Variants in CENPE observed in about 807,000 individuals in gnomAD.
The protein encoded by CENPE is centromere protein E.
A neutral mutation model predicts 336.1 loss-of-function variants in CENPE; 145 were observed. The observed-to-expected ratio is 0.43, with a 90% confidence interval of 0.38 to 0.50. The LOEUF (loss-of-function observed/expected upper bound fraction) is 0.50, where lower values mean the gene tolerates loss of function less well. Among genes scored for constraint, CENPE ranks in the 20% least tolerant of loss-of-function variants. The pLI, the probability that CENPE is intolerant of heterozygous loss-of-function variation, is 0.00. For synonymous variants in CENPE, 1,013 were observed against 984.8 expected (o/e 1.03, Z -0.54); for missense variants, 2,719 against 3,023.3 (o/e 0.90, Z 2.36).
intron 8 of CENPE, among the ~76,000 whole-genome samples, chr4:103,187,784 A>T (rs547208936): frequency 1.8e-4 from 28 of 152,368 alleles, no homozygotes; most frequent in African/African-American, 6.7e-4. Context: ...ACAGGATCAA[A>T]TTCACACATA....
chr4:103,160,974 AAAAGTC>A, intron 20 of CENPE, 106 bp downstream of exon 20: 1 of 1,044,830 alleles, frequency 9.6e-7, no homozygotes, highest in South Asian at 1.9e-5. Flanking sequence ...TGAGTTTTTA[AAAAGTC>A]AGAGTATAAT....
At position 103,140,083 on chromosome 4, in the gene CENPE, G is replaced by C; in HGVS notation, c.5914-4C>G. 1 of 1,592,432 alleles carries C rather than the reference G, an allele frequency of 6.3e-7. No individual in the cohort carries two copies. Among genetic ancestry groups the C allele is most frequent in the Non-Finnish European group, 8.5e-7 (1 of 1,171,346 alleles). On this transcript the variant is annotated splice_region_variant and splice_polypyrimidine_tract_variant and intron_variant, in intron 37 of 48. Transcript: ENST00000265148. ...CTTTTTTCTGAAGTTCTTGGATCTTGAGATAATTGTAAAACAAGTTAGAAT... is the reference window on the plus strand; with the variant it reads ...CTTTTTTCTGAAGTTCTTGGATCTTCAGATAATTGTAAAACAAGTTAGAAT...
At position 103,108,953 on chromosome 4, in the gene CENPE, T is replaced by C; in HGVS notation, c.7861A>G (p.Ile2621Val). ...CGTTCCTTGCATTGAGAGGGTGTAA[T>C]TTGTTTCTTTTTAGAAGCTGTTCCA... ...VTGTASKKKQ[I>V]TPSQCKERNL... The change falls in exon 48 of 49, where the codon ATT becomes GTT. Residue 2621 changes from isoleucine to valine, a missense_variant. Physicochemically the swap from Ile to Val is conservative, Grantham distance 29 (BLOSUM62 3). Transcript: ENST00000265148. 17 of 1,613,906 alleles carry C rather than the reference T, an allele frequency of 1.1e-5. No individual in the cohort carries two copies. The highest frequency in any genetic ancestry group is 1.4e-5 in the Non-Finnish European group (17 of 1,179,858).
intron 16 of CENPE, among the ~76,000 whole-genome samples, chr4:103,169,286 GACA>G (rs1755196177): frequency 6.6e-6 from 1 of 151,236 alleles, no homozygotes; most frequent in South Asian, 2.1e-4. Flanking sequence ...AAGTTTATGG[GACA>G]ACATCAAAAA....
At chr4:103,170,360 G>A (rs1331755434) in intron 16 of CENPE, among the ~76,000 whole-genome samples, 1 of 152,132 alleles carries the variant, frequency 6.6e-6, no homozygotes, top group African/African-American at 2.4e-5. Flanking sequence ...AGTACTGAAG[G>A]AAAACAGTTG....
At chr4:103,108,742 T>A (rs954200345) in intron 48 of CENPE, 61 bp downstream of exon 48, 1 of 1,459,500 alleles carries the variant, frequency 6.9e-7, no homozygotes, top group Non-Finnish European at 9.3e-7. Flanking sequence ...TGGGATCACA[T>A]ATTAATGATA....
At chr4:103,176,496 G>C (rs1755873870) in intron 14 of CENPE, among the ~76,000 whole-genome samples, 1 of 152,126 alleles carries the variant, frequency 6.6e-6, no homozygotes, top group Non-Finnish European at 1.5e-5. Flanking sequence ...TCTCATGTGT[G>C]TTTCAACTAG....
rs929829122 is a variant in CENPE, at chr4:103,110,727, C to A, written c.7724+101G>T. On this transcript the variant is annotated intron_variant, in intron 47 of 48. Transcript: ENST00000265148. ...CTAAAAATTACTTTCCCCATAATGA[C>A]TGAAGTGTTACCACCTGCAAAAAAT... The A allele has an allele frequency of 5.4e-6, 4 of 746,460 alleles. No individual in the cohort carries two copies. In the African/African-American group the frequency reaches 5.4e-5, roughly 10 times the overall value. 46.2% of individuals were successfully genotyped at this position (746,460 alleles called of 1,614,324 possible). A position where few individuals can be genotyped will look rare whatever the true frequency, so the allele number is the denominator to read the frequency against.
At chr4:103,167,653 G>A (rs1242590013) in intron 16 of CENPE, among the ~76,000 whole-genome samples, 4 of 152,150 alleles carry the variant, frequency 2.6e-5, no homozygotes, top group Non-Finnish European at 5.9e-5. Flanking sequence ...TTGGATTCAG[G>A]TAGGAGGTTG....
chr4:103,189,236 T>G (rs1197027406), intron 8 of CENPE, among the ~76,000 whole-genome samples: 3 of 152,202 alleles, frequency 2.0e-5, no homozygotes, highest in Non-Finnish European at 4.4e-5. Context: ...GTACCATTCC[T>G]TCTGAAACTA....
At chr4:103,163,277 A>G (rs1441692416) in intron 17 of CENPE, 21 bp from the exon 18 acceptor site, 1 of 1,591,694 alleles carries the variant, frequency 6.3e-7, no homozygotes, top group Non-Finnish European at 8.6e-7. Context: ...CAAAGGAGAG[A>G]GTAACAATTT....
At position 103,158,597 on chromosome 4, in the gene CENPE, A is replaced by G; in HGVS notation, c.2874+17T>C. 6.4e-7 allele frequency: 1 copy of G among 1,569,108 alleles called. No homozygotes were observed. Among genetic ancestry groups the G allele is most frequent in the Non-Finnish European group, 8.6e-7 (1 of 1,165,330 alleles). ...AGAGTCTCCAATTTTTCAAAGTTTAATCAATCAAAACCTTACCATGTTAAC... is the reference window on the plus strand; with the variant it reads ...AGAGTCTCCAATTTTTCAAAGTTTAGTCAATCAAAACCTTACCATGTTAAC... On this transcript the variant is annotated intron_variant, in intron 23 of 48. Coordinates refer to ENST00000265148, the MANE Select transcript of CENPE (RefSeq NM_001813.3).
chr4:103,185,974 C>T, intron 8 of CENPE, 113 bp from the exon 9 acceptor site: 1 of 611,282 alleles, frequency 1.6e-6, no homozygotes, highest in Non-Finnish European at 2.9e-6. Context: ...GATCTGTATC[C>T]ATGTCTCCCA....
Position 103,130,714 on chromosome 4 carries a change from C to T in CENPE, c.6924+1979G>A, listed in dbSNP as rs112772463. ...GAATAACCAACACAATGCTGAAGAA[C>T]GACGTCAGAGAACTGATGTTACTTG... On this transcript the variant is annotated intron_variant, in intron 42 of 48. Coordinates refer to ENST00000265148, the MANE Select transcript of CENPE (RefSeq NM_001813.3). Among the ~76,000 whole-genome samples, 256 of 152,110 alleles carry T rather than the reference C, an allele frequency of 1.7e-3. 3 individuals are homozygous for T. Among genetic ancestry groups the T allele is most frequent in the African/African-American group, 5.6e-3 (231 of 41,500 alleles).
chr4:103,137,402 A>T (rs1336155967), intron 39 of CENPE, among the ~76,000 whole-genome samples: 3 of 152,194 alleles, frequency 2.0e-5, no homozygotes, highest in African/African-American at 7.2e-5. Flanking sequence ...AGTAGGTAAC[A>T]TGTTTAGTTC....
At chr4:103,159,556 T>A (rs754930263) in intron 21 of CENPE, among the ~76,000 whole-genome samples, 25 of 151,880 alleles carry the variant, frequency 1.6e-4, no homozygotes, top group African/African-American at 6.0e-4. Context: ...GAAAGTAAGG[T>A]CTGCATGGAA....
chr4:103,107,735 G>A (rs559955453), intron 48 of CENPE, among the ~76,000 whole-genome samples: 19 of 152,128 alleles, frequency 1.2e-4, no homozygotes, highest in African/African-American at 4.1e-4. Flanking sequence ...AATCTCTCCC[G>A]TCGGTCTACT....
Position 103,145,229 on chromosome 4 carries a change from TG to T in CENPE, c.4677del (p.Lys1560ArgfsTer8). The T allele has an allele frequency of 6.2e-7, 1 of 1,613,844 alleles. No individual in the cohort carries two copies. The highest frequency in any genetic ancestry group is 8.5e-7 in the Non-Finnish European group (1 of 1,179,870). On this transcript the variant is annotated frameshift_variant, in exon 32 of 49. Transcript: ENST00000265148. LOFTEE classifies it high-confidence loss of function. ...TCTATACTTTGTAGTGCTGAATCCT[TG>T]GCTTTGCGATGCTCCTTGAATTGTT... is the stretch of plus-strand genomic sequence containing the variant. Reference protein sequence around the residue: ...ELKQFKEHRKAKDSALQSIES... With the variant: ...ELKQFKEHRKXKDSALQSIES...
chr4:103,183,286 C>T lies in CENPE; in HGVS notation c.748G>A (p.Val250Met). 6.2e-7 allele frequency: 1 copy of T among 1,608,804 alleles called. No homozygotes were observed. The highest frequency in any genetic ancestry group is 8.5e-7 in the Non-Finnish European group (1 of 1,177,692). The change falls in exon 10 of 49, where the codon GTG becomes ATG. Residue 250 changes from valine to methionine, a missense_variant and splice_region_variant. Val to Met is a conservative substitution (Grantham distance 21, BLOSUM62 1). Coordinates refer to ENST00000265148, the MANE Select transcript of CENPE (RefSeq NM_001813.3). ...ATATTACAGCCTTCCTTGAGCCGCA[C>T]ACCTGAATTTATTAAACAAATATGA... ...ERAAQTGAAG[V>M]RLKEGCNINR... is the part of the protein sequence containing the mutation.
Sources: gnomAD v4.1 joint callset for allele counts (sites outside exome capture counted in the v4.1 genomes callset) on GRCh38, gnomAD v4.1.1 for gene constraint, MANE v1.5 for transcripts, NCBI Gene and HGNC (gene_info 2026-07-23, HGNC 2026-07-21) for gene names.